The following MARCHF1 variants were observed in gnomAD, a reference collection of about 807,000 sequenced individuals.
MARCHF1 encodes membrane associated ring-CH-type finger 1, also known as E3 ubiquitin-protein ligase MARCHF1.
A neutral mutation model predicts 54.2 loss-of-function variants in MARCHF1; 40 were observed. The observed-to-expected ratio is 0.74, with a 90% CI of 0.57 to 0.96. The LOEUF is 0.96. MARCHF1 is among the 40% of genes least tolerant of loss of function. MARCHF1 has a pLI of 0.00. For missense variants in MARCHF1, 586 were observed against 656.5 expected, an observed-to-expected ratio of 0.89 and a Z score of 1.17; for synonymous variants, 236 against 236.3, an observed-to-expected ratio of 1.00 and a Z score of 0.01.
chr4:163,852,419 G>T (rs781691709), intron 4 of MARCHF1, among the ~76,000 whole-genome samples: 1 of 152,118 alleles, frequency 6.6e-6, no homozygotes, highest in African/African-American at 2.4e-5. Flanking sequence ...ACTTAAAAAT[G>T]CTTGGTTATA....
chr4:163,539,641 G>A (rs972004428), intron 9 of MARCHF1, among the ~76,000 whole-genome samples: 3 of 152,162 alleles, frequency 2.0e-5, no homozygotes, highest in African/African-American at 7.2e-5. Context: ...ATCACAGAGG[G>A]AGGAAGTCTA....
At chr4:163,557,183 C>T (rs1157556578) in intron 8 of MARCHF1, among the ~76,000 whole-genome samples, 1 of 152,124 alleles carries the variant, frequency 6.6e-6, no homozygotes, top group African/African-American at 2.4e-5. Flanking sequence ...ACTTTGCAAC[C>T]ACAACTGGCC....
intron 3 of MARCHF1, among the ~76,000 whole-genome samples, chr4:163,911,729 T>G (rs1399010282): frequency 6.6e-6 from 1 of 152,148 alleles, no homozygotes; most frequent in Non-Finnish European, 1.5e-5. Flanking sequence ...GGTGTCATAT[T>G]TCTTCCTTCT....
intron 1 of MARCHF1, among the ~76,000 whole-genome samples, chr4:164,285,644 G>GT (rs1434430777): frequency 6.6e-6 from 1 of 151,260 alleles, no homozygotes; most frequent in Non-Finnish European, 1.5e-5. Context: ...GGGTTTCACC[G>GT]TGTTAGCCAG....
intron 2 of MARCHF1, among the ~76,000 whole-genome samples, chr4:163,994,521 TAACA>T (rs1485576483): frequency 6.6e-6 from 1 of 151,856 alleles, no homozygotes; most frequent in Non-Finnish European, 1.5e-5. Flanking sequence ...TATACATATG[TAACA>T]AACCTGCATG....
At chr4:164,062,052 G>T (rs1439584159) in intron 2 of MARCHF1, among the ~76,000 whole-genome samples, 2 of 152,170 alleles carry the variant, frequency 1.3e-5, no homozygotes, top group Non-Finnish European at 2.9e-5. Flanking sequence ...AAGCCCTCCT[G>T]CTGCTTTATC....
chr4:163,981,519 C>A (rs1050193487), intron 3 of MARCHF1, among the ~76,000 whole-genome samples: 1 of 151,956 alleles, frequency 6.6e-6, no homozygotes, highest in Non-Finnish European at 1.5e-5. Context: ...GAATGAGAAT[C>A]GAATAGATGT....
intron 1 of MARCHF1, among the ~76,000 whole-genome samples, chr4:164,277,710 A>T (rs1733922003): frequency 6.6e-6 from 1 of 152,206 alleles, no homozygotes; most frequent in South Asian, 2.1e-4. Context: ...CATGCAACAC[A>T]ACTGCACTTT....
At chr4:163,653,651 T>G (rs1009304776) in intron 5 of MARCHF1, among the ~76,000 whole-genome samples, 2 of 151,582 alleles carry the variant, frequency 1.3e-5, no homozygotes, top group South Asian at 4.1e-4. Context: ...GAATGTCAGA[T>G]AGGAGAAAAA....
intron 1 of MARCHF1, among the ~76,000 whole-genome samples, chr4:164,248,959 A>T (rs1457801652): frequency 2.0e-5 from 3 of 152,072 alleles, no homozygotes; most frequent in Admixed American, 1.3e-4. Context: ...TATGTAAATA[A>T]ACCAAACATG....
chr4:163,830,204 T>A (rs1259108922), intron 4 of MARCHF1, among the ~76,000 whole-genome samples: 7 of 151,988 alleles, frequency 4.6e-5, no homozygotes, highest in African/African-American at 1.7e-4. Context: ...ATACTTGAAA[T>A]TTTTCATAGA....
chr4:164,182,058 T>C, intron 1 of MARCHF1, among the ~76,000 whole-genome samples: 1 of 152,238 alleles, frequency 6.6e-6, no homozygotes, highest in Middle Eastern at 3.4e-3. Flanking sequence ...TCTCTGAAAT[T>C]CATTAACATA....
At chr4:164,065,197 AT>A (rs1476357773) in intron 2 of MARCHF1, among the ~76,000 whole-genome samples, 2 of 152,154 alleles carry the variant, frequency 1.3e-5, no homozygotes, top group African/African-American at 2.4e-5. Flanking sequence ...CTCCTTTTCA[AT>A]TGTTTGAAAT....
intron 2 of MARCHF1, among the ~76,000 whole-genome samples, chr4:164,013,939 T>G (rs1753481479): frequency 6.6e-6 from 1 of 151,944 alleles, no homozygotes; most frequent in Non-Finnish European, 1.5e-5. Flanking sequence ...CCAAGGCAGG[T>G]GGATCAGGAT....
chr4:164,176,968 C>CCCCATA (rs1201114627), intron 1 of MARCHF1, among the ~76,000 whole-genome samples: 1 of 43,340 alleles, frequency 2.3e-5, no homozygotes, highest in African/African-American at 1.1e-4. Flanking sequence ...CTCTCTCTCT[C>CCCCATA]TCTCTCTCTC....
chr4:163,670,384 GTCTGTCTA>G (rs1179905623), intron 5 of MARCHF1, among the ~76,000 whole-genome samples: 38 of 107,170 alleles, frequency 3.5e-4, no homozygotes, highest in Non-Finnish European at 5.8e-4. Flanking sequence ...CTATCTATCT[GTCTGTCTA>G]TCTATCTATC....
At chr4:163,663,078 A>G (rs901130685) in intron 5 of MARCHF1, among the ~76,000 whole-genome samples, 2 of 152,050 alleles carry the variant, frequency 1.3e-5, no homozygotes, top group South Asian at 4.1e-4. Flanking sequence ...CTGTGATTAC[A>G]TTACTCAGAG....
intron 1 of MARCHF1, among the ~76,000 whole-genome samples, chr4:164,274,632 GT>G (rs1733824763): frequency 7.6e-6 from 1 of 131,066 alleles, no homozygotes; most frequent in African/African-American, 2.9e-5. Flanking sequence ...AACTCTACCT[GT>G]CGCTTGATGT....
intron 5 of MARCHF1, among the ~76,000 whole-genome samples, chr4:163,650,982 A>G (rs1742942803): frequency 6.6e-6 from 1 of 151,952 alleles, no homozygotes; most frequent in African/African-American, 2.4e-5. Context: ...TAAAGGGGAA[A>G]CTGAAGTAAA....
Sources: allele counts gnomAD v4.1 joint callset (sites outside exome capture counted in the v4.1 genomes callset), GRCh38; gene constraint gnomAD v4.1.1; transcripts MANE v1.5; gene names NCBI Gene and HGNC (gene_info 2026-07-23, HGNC 2026-07-21).